The following DAB1 variants were observed in gnomAD, a reference collection of about 807,000 sequenced individuals.
The protein encoded by DAB1 is DAB adaptor protein 1.
In DAB1, 15 loss-of-function variants were observed where a neutral mutation model predicts 64.6. The ratio of observed to expected loss-of-function variants is 0.23; its 90% CI spans 0.16 to 0.36. The LOEUF (loss-of-function observed/expected upper bound fraction) is 0.36. DAB1 is among the 10% of genes least tolerant of loss of function. The probability of loss-of-function intolerance (pLI) is 1.00; values close to 1 mark genes in which losing one functional copy is unlikely to be tolerated. For missense variants in DAB1, 596 were observed against 706.7 expected (o/e 0.84, Z 1.78); for synonymous variants, 235 against 251.9 (o/e 0.93, Z 0.64).
intron 1 of DAB1, among the ~76,000 whole-genome samples, chr1:57,859,765 G>A (rs1339728766): frequency 1.3e-5 from 2 of 152,064 alleles, no homozygotes; most frequent in African/African-American, 4.8e-5. Context: ...GAGATTGAAG[G>A]GAAAAAATAA....
At chr1:58,118,628 CATAT>C (rs928399296) in intron 5 of DAB1, among the ~76,000 whole-genome samples, 1 of 127,230 alleles carries the variant, frequency 7.9e-6, no homozygotes, top group African/African-American at 3.1e-5. Context: ...ATATAAAATA[CATAT>C]ATATATAAAG....
chr1:57,952,322 G>C (rs1645297254), intron 5 of DAB1, among the ~76,000 whole-genome samples: 1 of 152,154 alleles, frequency 6.6e-6, no homozygotes, highest in Non-Finnish European at 1.5e-5. Flanking sequence ...TGAAGCAATA[G>C]AAAGAAGAAA....
chr1:57,148,084 G>A (rs1482250539), intron 2 of DAB1, among the ~76,000 whole-genome samples: 2 of 152,158 alleles, frequency 1.3e-5, no homozygotes, highest in Non-Finnish European at 2.9e-5. Context: ...TACATTGGCA[G>A]CATTAAAACT....
chr1:57,382,666 G>T (rs926298050), intron 1 of DAB1, among the ~76,000 whole-genome samples: 1 of 152,032 alleles, frequency 6.6e-6, no homozygotes. Flanking sequence ...GCCAACAATG[G>T]TAAGTCCTTC....
intron 2 of DAB1, among the ~76,000 whole-genome samples, chr1:57,170,632 T>C (rs556937234): frequency 9.2e-5 from 14 of 152,080 alleles, no homozygotes; most frequent in Non-Finnish European, 1.6e-4. Flanking sequence ...AGGTGCAGGA[T>C]TGGAATGCAG....
intron 2 of DAB1, among the ~76,000 whole-genome samples, chr1:58,526,237 A>G (rs1403595579): frequency 6.6e-6 from 1 of 152,104 alleles, no homozygotes; most frequent in Non-Finnish European, 1.5e-5. Flanking sequence ...ACGCAGTCTG[A>G]TAATTCACTT....
chr1:57,332,616 G>T (rs1676764874), intron 1 of DAB1, among the ~76,000 whole-genome samples: 1 of 152,110 alleles, frequency 6.6e-6, no homozygotes, highest in Admixed American at 6.5e-5. Context: ...CTTTTATACA[G>T]ATAAATGTAT....
At chr1:57,779,689 T>G (rs1421069119) in intron 6 of DAB1, among the ~76,000 whole-genome samples, 1 of 152,206 alleles carries the variant, frequency 6.6e-6, no homozygotes, top group Non-Finnish European at 1.5e-5. Context: ...ACTGCCTACA[T>G]CTCATAATTT....
chr1:57,763,530 T>A (rs949866613), intron 6 of DAB1, among the ~76,000 whole-genome samples: 1 of 151,526 alleles, frequency 6.6e-6, no homozygotes, highest in Non-Finnish European at 1.5e-5. Flanking sequence ...GAAAAAAAAA[T>A]TAGCTGGGTG....
chr1:57,125,074 AC>A (rs990444097), intron 4 of DAB1, among the ~76,000 whole-genome samples: 1 of 152,186 alleles, frequency 6.6e-6, no homozygotes, highest in Non-Finnish European at 1.5e-5. Context: ...TCACCATAGC[AC>A]AGAAGATTTG....
At chr1:58,536,554 T>G (rs749395009) in intron 1 of DAB1, 2 of 872,846 alleles carry the variant, frequency 2.3e-6, no homozygotes, top group Non-Finnish European at 4.0e-6. Context: ...AACTGTTCTT[T>G]CCCCAATAAT....
At chr1:57,434,581 C>G (rs1368075740) in intron 7 of DAB1, among the ~76,000 whole-genome samples, 1 of 152,136 alleles carries the variant, frequency 6.6e-6, no homozygotes, top group East Asian at 1.9e-4. Context: ...CAGTTTTGTA[C>G]CGTTTAACGA....
chr1:57,645,596 T>C (rs1646183262), intron 7 of DAB1, among the ~76,000 whole-genome samples: 1 of 152,260 alleles, frequency 6.6e-6, no homozygotes, highest in Non-Finnish European at 1.5e-5. Context: ...GCTGACATTA[T>C]AAGTCAAGAC....
chr1:58,245,957 T>C (rs1660509875), intron 4 of DAB1, among the ~76,000 whole-genome samples: 1 of 152,198 alleles, frequency 6.6e-6, no homozygotes, highest in Non-Finnish European at 1.5e-5. Flanking sequence ...TTCCTGCATA[T>C]AATCTAGTTA....
chr1:57,288,234 C>T (rs1672488195), intron 2 of DAB1, among the ~76,000 whole-genome samples: 1 of 152,048 alleles, frequency 6.6e-6, no homozygotes, highest in Non-Finnish European at 1.5e-5. Flanking sequence ...TTTTCAAGAG[C>T]CCCTTGGGTA....
intron 5 of DAB1, among the ~76,000 whole-genome samples, chr1:57,923,382 T>G (rs1472569602): frequency 3.9e-5 from 6 of 152,184 alleles, no homozygotes; most frequent in Non-Finnish European, 7.3e-5. Flanking sequence ...ACCACCAAAT[T>G]GATTGCATCA....
At chr1:58,172,419 C>G (rs567048443) in intron 4 of DAB1, among the ~76,000 whole-genome samples, 64 of 152,272 alleles carry the variant, frequency 4.2e-4, no homozygotes, top group African/African-American at 1.5e-3. Flanking sequence ...CACTGGACTA[C>G]TCATGATGTA....
chr1:57,440,944 G>A (rs1025150437), intron 7 of DAB1, among the ~76,000 whole-genome samples: 20 of 152,272 alleles, frequency 1.3e-4, no homozygotes, highest in Admixed American at 1.1e-3. Context: ...ATGATGCTGA[G>A]GTTTGGGGTA....
chr1:57,798,566 C>A (rs1292416153), intron 6 of DAB1, among the ~76,000 whole-genome samples: 2 of 152,234 alleles, frequency 1.3e-5, no homozygotes, highest in African/African-American at 2.4e-5. Context: ...CATTTCATGT[C>A]ATGGAATATT....
Sources: gnomAD v4.1 joint callset for allele counts (sites outside exome capture counted in the v4.1 genomes callset) on GRCh38, gnomAD v4.1.1 for gene constraint, MANE v1.5 for transcripts, NCBI Gene and HGNC (gene_info 2026-07-23, HGNC 2026-07-21) for gene names.